Variants in SNX9 observed in about 807,000 individuals in gnomAD.
The protein encoded by SNX9 is sorting nexin 9, also known as sorting nexin-9.
Under a neutral mutation model 89.4 loss-of-function variants are expected in SNX9, and 44 were observed. The observed-to-expected ratio is 0.49, with a 90% CI of 0.39 to 0.63. The LOEUF (loss-of-function observed/expected upper bound fraction) is 0.63. SNX9 is among the 30% of genes least tolerant of loss of function. SNX9 has a pLI of 0.00. For missense variants in SNX9, 578 were observed against 736.1 expected (o/e 0.79, Z 2.49); for synonymous variants, 236 against 247.8 (o/e 0.95, Z 0.45).
chr6:157,879,248 A>G (rs1782579463), intron 4 of SNX9, among the ~76,000 whole-genome samples: 1 of 152,242 alleles, frequency 6.6e-6, no homozygotes, highest in African/African-American at 2.4e-5. Flanking sequence ...ACCGGAATGT[A>G]AATGTCTGTC....
At chr6:157,902,176 G>C (rs1415951096) in intron 6 of SNX9, 131 bp downstream of exon 6, 1 of 680,456 alleles carries the variant, frequency 1.5e-6, no homozygotes, top group African/African-American at 1.9e-5. Flanking sequence ...ATATGATTCA[G>C]TTATTTTTAT....
At chr6:157,844,743 G>T (rs561608285) in intron 1 of SNX9, among the ~76,000 whole-genome samples, 1 of 151,676 alleles carries the variant, frequency 6.6e-6, no homozygotes, top group South Asian at 2.1e-4. Flanking sequence ...ATAGGCACCC[G>T]CCACCACGCC....
At chr6:157,878,141 C>T (rs1782554291) in intron 4 of SNX9, among the ~76,000 whole-genome samples, 1 of 152,172 alleles carries the variant, frequency 6.6e-6, no homozygotes, top group Non-Finnish European at 1.5e-5. Context: ...ACTGAGTAGT[C>T]TCAGGTGAGC....
intron 13 of SNX9, among the ~76,000 whole-genome samples, chr6:157,935,604 C>G (rs981350796): frequency 1.3e-5 from 2 of 152,206 alleles, no homozygotes; most frequent in African/African-American, 4.8e-5. Flanking sequence ...CCTTTACATC[C>G]TGATTCAAGC....
intron 5 of SNX9, 44 bp from the exon 6 acceptor site, chr6:157,901,853 TC>T (rs1240308907): frequency 7.8e-6 from 12 of 1,538,962 alleles, no homozygotes; most frequent in Non-Finnish European, 1.0e-5. Context: ...TTTATTTTGG[TC>T]TTTTTTTTTT....
At chr6:157,851,690 A>G (rs897374691) in intron 1 of SNX9, among the ~76,000 whole-genome samples, 4 of 152,116 alleles carry the variant, frequency 2.6e-5, no homozygotes, top group Admixed American at 1.3e-4. Context: ...CCAGGGTTCA[A>G]GCGATTTTCC....
chr6:157,893,937 G>A (rs1782916209), intron 4 of SNX9, among the ~76,000 whole-genome samples: 1 of 151,996 alleles, frequency 6.6e-6, no homozygotes, highest in Non-Finnish European at 1.5e-5. Context: ...AGATCACTAA[G>A]AAACAAGAGA....
chr6:157,910,473 G>A (rs1459630644), intron 9 of SNX9, among the ~76,000 whole-genome samples: 1 of 152,206 alleles, frequency 6.6e-6, no homozygotes, highest in Non-Finnish European at 1.5e-5. Flanking sequence ...GGACAGAGAA[G>A]CCACAGAACT....
chr6:157,901,512 T>C (rs549711297), intron 5 of SNX9, among the ~76,000 whole-genome samples: 1 of 152,270 alleles, frequency 6.6e-6, no homozygotes, highest in South Asian at 2.1e-4. Context: ...AAGTTGATTT[T>C]TGTGTGTGGT....
At chr6:157,834,149 G>GA (rs1491214417) in intron 1 of SNX9, among the ~76,000 whole-genome samples, 1 of 60,086 alleles carries the variant, frequency 1.7e-5, no homozygotes, top group African/African-American at 6.6e-5. Context: ...TGTCCACTGT[G>GA]GTTTTTTTTT....
intron 7 of SNX9, among the ~76,000 whole-genome samples, chr6:157,908,384 T>TTA (rs1247107206): frequency 6.6e-6 from 1 of 152,226 alleles, no homozygotes; most frequent in Non-Finnish European, 1.5e-5. Context: ...TCTTCTTGGA[T>TTA]TATAACTCAA....
chr6:157,932,468 A>G (rs766264108), intron 13 of SNX9, among the ~76,000 whole-genome samples, 196 bp downstream of exon 13: 2 of 152,124 alleles, frequency 1.3e-5, no homozygotes, highest in Non-Finnish European at 2.9e-5. Context: ...GGTGGTTATA[A>G]TTTGTATTTT....
At chr6:157,876,566 T>C (rs141754703) in intron 4 of SNX9, among the ~76,000 whole-genome samples, 303 of 152,360 alleles carry the variant, frequency 2.0e-3, no homozygotes, top group Admixed American at 4.7e-3. Flanking sequence ...GAATTACAAA[T>C]TAGACTCAGA....
chr6:157,897,936 C>T (rs1783014475), intron 5 of SNX9, among the ~76,000 whole-genome samples: 1 of 152,190 alleles, frequency 6.6e-6, no homozygotes, highest in South Asian at 2.1e-4. Flanking sequence ...AGCCCCCATC[C>T]CACCAGGAGT....
intron 1 of SNX9, among the ~76,000 whole-genome samples, chr6:157,840,797 T>A (rs760053419): frequency 6.6e-6 from 1 of 152,188 alleles, no homozygotes; most frequent in Non-Finnish European, 1.5e-5. Context: ...ACCTCTATTA[T>A]TTTGCATTCG....
At chr6:157,898,822 G>A (rs565689673) in intron 5 of SNX9, among the ~76,000 whole-genome samples, 63 of 152,334 alleles carry the variant, frequency 4.1e-4, no homozygotes, top group African/African-American at 1.3e-3. Flanking sequence ...AAAGCAGGGT[G>A]CAGGTCCCGG....
chr6:157,861,363 T>G (rs1337429864), intron 1 of SNX9, among the ~76,000 whole-genome samples: 2 of 152,230 alleles, frequency 1.3e-5, no homozygotes, highest in African/African-American at 4.8e-5. Flanking sequence ...GAGCTTCTTA[T>G]CTGGTGCAGC....
Position 157,942,972 on chromosome 6 carries a change from ATTTAT to A in SNX9, c.*141_*145del, listed in dbSNP as rs1318259149. 3.7e-6 allele frequency: 3 copies of A among 821,594 alleles called. No homozygotes were observed. The highest frequency in any genetic ancestry group is 5.6e-6 in the Non-Finnish European group (3 of 536,804). 50.9% of individuals were successfully genotyped at this position (821,594 alleles called of 1,614,324 possible). A position where few individuals can be genotyped will look rare whatever the true frequency, so the allele number is the denominator to read the frequency against. ...AAAAGAAAGAGTTGCAAAAAACTGC[ATTTAT>A]TTTATTAGCCACCCTAAATGCGTCA... On this transcript the variant is annotated 3_prime_UTR_variant, in exon 18 of 18. Transcript: ENST00000392185.
At chr6:157,938,607 A>G (rs750368096) in intron 15 of SNX9, 26 bp from the exon 16 acceptor site, 2 of 1,458,648 alleles carry the variant, frequency 1.4e-6, no homozygotes, top group South Asian at 2.3e-5. Context: ...AGCTTTATTC[A>G]TACTGTTGCA....
Sources: gnomAD v4.1 joint callset for allele counts (sites outside exome capture counted in the v4.1 genomes callset) on GRCh38, gnomAD v4.1.1 for gene constraint, MANE v1.5 for transcripts, NCBI Gene and HGNC (gene_info 2026-07-23, HGNC 2026-07-21) for gene names.